Variants in IPMK observed in about 807,000 individuals in gnomAD.
IPMK encodes the protein inositol polyphosphate multikinase.
In IPMK, 17 loss-of-function variants were observed where a neutral mutation model predicts 45.8. That is an observed-to-expected ratio of 0.37 (90% CI 0.25 to 0.56). IPMK has a LOEUF of 0.56. IPMK is among the 20% of genes least tolerant of loss of function. The pLI is 0.79. For synonymous variants in IPMK, 180 were observed against 184.3 expected (o/e 0.98, Z 0.19); for missense variants, 399 against 498.0 (o/e 0.80, Z 1.89).
In IPMK at chr10:58,267,749, G is replaced by A. The variant is rs1309281813; in HGVS notation, c.-138C>T. On this transcript the variant is annotated 5_prime_UTR_variant, in exon 1 of 6. Coordinates refer to ENST00000373935, the MANE Select transcript of IPMK (RefSeq NM_152230.5). ...GTTCCCGCGGCTGGTGCCCTCTGAAGCGCGGGGAGGGGGCCCATGACGCCG... is the reference window on the plus strand; with the variant it reads ...GTTCCCGCGGCTGGTGCCCTCTGAAACGCGGGGAGGGGGCCCATGACGCCG... 1 of 592,810 alleles carries A rather than the reference G, an allele frequency of 1.7e-6. No homozygotes were observed. The highest frequency in any genetic ancestry group is 3.0e-6 in the Non-Finnish European group (1 of 334,472). The allele number at this position is 592,810 out of a possible 1,614,324, so 36.7% of individuals were successfully genotyped here.
chr10:58,193,714 C>T lies in IPMK; in HGVS notation c.*2362G>A, dbSNP rs1837849234. On this transcript the variant is annotated 3_prime_UTR_variant, in exon 6 of 6. Coordinates refer to ENST00000373935, the MANE Select transcript of IPMK (RefSeq NM_152230.5). ...AAAAACTATGAGAATCCTATTAACC[C>T]AAACTATATCCGCATTATGCTTATT... is the stretch of plus-strand genomic sequence containing the variant. The T allele has an allele frequency of 6.6e-6, 1 of 151,640 alleles. No individual in the cohort carries two copies. Among genetic ancestry groups the T allele is most frequent in the African/African-American group, 2.4e-5 (1 of 41,366 alleles). The allele number at this position is 151,640 out of a possible 1,614,324, so 9.4% of individuals were successfully genotyped here. A position where few individuals can be genotyped will look rare whatever the true frequency, so the allele number is the denominator to read the frequency against.
chr10:58,208,144 G>T (rs1262981673), intron 4 of IPMK, among the ~76,000 whole-genome samples: 2 of 152,070 alleles, frequency 1.3e-5, no homozygotes, highest in African/African-American at 4.8e-5. Flanking sequence ...GTTTCACCAT[G>T]TTAGCCAGGA....
intron 2 of IPMK, among the ~76,000 whole-genome samples, chr10:58,227,700 T>G (rs1838440188): frequency 6.6e-6 from 1 of 152,176 alleles, no homozygotes; most frequent in Non-Finnish European, 1.5e-5. Context: ...TTTAACACAA[T>G]GTAAGTCTAA....
intron 2 of IPMK, among the ~76,000 whole-genome samples, chr10:58,232,958 T>C (rs1021840282): frequency 1.3e-5 from 2 of 151,164 alleles, no homozygotes; most frequent in African/African-American, 4.9e-5. Flanking sequence ...GAGAGAAGAA[T>C]CAAATAGATG....
chr10:58,255,701 ATTGGCCAGGTGT>A (rs1838957366), intron 1 of IPMK, among the ~76,000 whole-genome samples: 1 of 151,416 alleles, frequency 6.6e-6, no homozygotes, highest in African/African-American at 2.4e-5. Context: ...ATAAACATAT[ATTGGCCAGGTGT>A]GGTGGCTCAC....
intron 1 of IPMK, among the ~76,000 whole-genome samples, chr10:58,248,766 C>T (rs1183189307): frequency 6.6e-6 from 1 of 152,168 alleles, no homozygotes; most frequent in Non-Finnish European, 1.5e-5. Context: ...GTTTTTAGCT[C>T]CCTCATCTGA....
In IPMK at chr10:58,193,549, A is replaced by T. The variant is rs1837846708; in HGVS notation, c.*2527T>A. The T allele has an allele frequency of 6.6e-6, 1 of 151,818 alleles. No individual in the cohort carries two copies. The highest frequency in any genetic ancestry group is 1.5e-5 in the Non-Finnish European group (1 of 67,748). The allele number at this position is 151,818 out of a possible 1,614,324, so 9.4% of individuals were successfully genotyped here. A position where few individuals can be genotyped will look rare whatever the true frequency, so the allele number is the denominator to read the frequency against. ...CATATTAAAATATCAATTAATGTAAATATTATAAAACTATTATACAATTTA... is the reference window on the plus strand; with the variant it reads ...CATATTAAAATATCAATTAATGTAATTATTATAAAACTATTATACAATTTA... On this transcript the variant is annotated 3_prime_UTR_variant, in exon 6 of 6. Transcript: ENST00000373935.
intron 4 of IPMK, among the ~76,000 whole-genome samples, chr10:58,210,222 G>C (rs1009805578): frequency 1.3e-5 from 2 of 152,120 alleles, no homozygotes; most frequent in African/African-American, 4.8e-5. Flanking sequence ...AGCCAGTAGC[G>C]AAGGGACTCA....
intron 4 of IPMK, among the ~76,000 whole-genome samples, chr10:58,211,925 A>AAAAAAAAAAAAAAAG (rs1564529770): frequency 6.8e-6 from 1 of 147,352 alleles, no homozygotes; most frequent in African/African-American, 2.6e-5. Context: ...AAAAAAAAAA[A>AAAAAAAAAAAAAAAG]TTTGTTTTCA....
At position 58,199,225 on chromosome 10, in the gene IPMK, T is replaced by C. The variant is rs755018307; in HGVS notation, c.628+15A>G. ...AACTGTTCAATCATAAAAGCATTAG[T>C]TTTTTAGTCCTTACCATCCTTTATA... On this transcript the variant is annotated intron_variant, in intron 5 of 5. Transcript: ENST00000373935. 3 of 1,539,970 alleles carry C rather than the reference T, an allele frequency of 1.9e-6. No homozygotes were observed. In the South Asian group the frequency reaches 3.5e-5, roughly 18 times the overall value.
chr10:58,237,364 C>T (rs1838629030), intron 2 of IPMK, among the ~76,000 whole-genome samples: 1 of 152,220 alleles, frequency 6.6e-6, no homozygotes, highest in Non-Finnish European at 1.5e-5. Flanking sequence ...AACATTATAA[C>T]ATCTCTTGCA....
At chr10:58,204,192 T>C (rs184454154) in intron 4 of IPMK, among the ~76,000 whole-genome samples, 5 of 152,030 alleles carry the variant, frequency 3.3e-5, no homozygotes, top group East Asian at 3.9e-4. Context: ...CAAGACCCCA[T>C]CTCTATAAAA....
At chr10:58,214,366 T>C (rs2132151652) in intron 4 of IPMK, among the ~76,000 whole-genome samples, 1 of 152,330 alleles carries the variant, frequency 6.6e-6, no homozygotes, top group East Asian at 1.9e-4. Context: ...TTTTATTTTT[T>C]CTAAAGCAGA....
At chr10:58,245,700 C>T (rs1337017331) in intron 1 of IPMK, among the ~76,000 whole-genome samples, 1 of 151,608 alleles carries the variant, frequency 6.6e-6, no homozygotes, top group African/African-American at 2.4e-5. Flanking sequence ...CAATATCATA[C>T]TGAATGGGCA....
intron 1 of IPMK, among the ~76,000 whole-genome samples, chr10:58,248,444 TTATG>T (rs1443615629): frequency 3.3e-5 from 5 of 152,358 alleles, no homozygotes; most frequent in Admixed American, 2.0e-4. Context: ...CTGTACATAT[TTATG>T]TGTGTGCACA....
chr10:58,227,097 G>A lies in IPMK; in HGVS notation c.319C>T (p.Arg107Ter), dbSNP rs758099009. ...DCFDGVLLELRKYLPKYYGIW... is the reference protein window; with the variant it reads ...DCFDGVLLEL The stretch of plus-strand genomic sequence containing the variant: ...CCATAATATTTTGGCAAATATTTTC[G>A]TAGCTCTAGAAGAACACCATCAAAA... Residue 107 changes from arginine to a stop codon, truncating the protein, a stop_gained, in exon 3 of 6, where the codon CGA becomes TGA. Transcript: ENST00000373935. LOFTEE classifies it high-confidence loss of function. The A allele has an allele frequency of 1.2e-5, 20 of 1,613,124 alleles. No homozygotes were observed. Among genetic ancestry groups the A allele is most frequent in the African/African-American group, 5.3e-5 (4 of 74,852 alleles).
rs983800399 is a variant in IPMK at position 58,267,759 on chromosome 10, G to A, written c.-148C>T. ...CTGGTGCCCTCTGAAGCGCGGGGAG[G>A]GGGCCCATGACGCCGCCGGGGCGCG... On this transcript the variant is annotated 5_prime_UTR_variant, in exon 1 of 6. Coordinates refer to ENST00000373935, the MANE Select transcript of IPMK (RefSeq NM_152230.5). The A allele has an allele frequency of 1.2e-5, 7 of 577,344 alleles. No homozygotes were observed. The highest frequency in any genetic ancestry group is 1.2e-4 in the African/African-American group (6 of 50,548). 35.8% of individuals were successfully genotyped at this position (577,344 alleles called of 1,614,324 possible).
In IPMK at chr10:58,216,241, T is replaced by C. The variant is rs1415617633; in HGVS notation, c.450A>G (p.Lys150=). ...CAGATGAGGCAAAAGGATCATAGCT[T>C]TTTTGCCCTATCTTTACATCCATTA... is the stretch of plus-strand genomic sequence containing the variant. The part of the protein sequence containing the change: ...PCIMDVKIGQ[K]SYDPFASSEK... Residue 150 remains lysine, a synonymous_variant, in exon 4 of 6, where the codon AAA becomes AAG. Transcript: ENST00000373935. 6 of 1,610,684 alleles carry C rather than the reference T, an allele frequency of 3.7e-6. No individual in the cohort carries two copies. Among genetic ancestry groups the C allele is most frequent in the Non-Finnish European group, 5.1e-6 (6 of 1,177,492 alleles).
rs1252588699 is a variant in IPMK, at chr10:58,191,669, C to T, written c.*4407G>A. On this transcript the variant is annotated 3_prime_UTR_variant, in exon 6 of 6. Coordinates refer to ENST00000373935, the MANE Select transcript of IPMK (RefSeq NM_152230.5). ...CAATAACCCCTGCAGTCCAAGTATA[C>T]CCCCACAATAGTACAAATTACAAAC... The T allele has an allele frequency of 4.6e-5, 7 of 151,248 alleles. No individual in the cohort carries two copies. Among genetic ancestry groups the T allele is most frequent in the Admixed American group, 1.3e-4 (2 of 15,204 alleles). The allele number at this position is 151,248 out of a possible 1,614,324, so 9.4% of individuals were successfully genotyped here.
Sources: gnomAD v4.1 joint callset for allele counts (sites outside exome capture counted in the v4.1 genomes callset) on GRCh38, gnomAD v4.1.1 for gene constraint, MANE v1.5 for transcripts, NCBI Gene and HGNC (gene_info 2026-07-23, HGNC 2026-07-21) for gene names.